Variants in KIF2C observed in about 807,000 individuals in gnomAD.
KIF2C encodes the protein kinesin-like protein KIF2C.
KIF2C carries 34 observed loss-of-function variants against 97.4 expected under a neutral mutation model. That is an observed-to-expected ratio of 0.35 (90% CI 0.27 to 0.46). The LOEUF is 0.46. KIF2C is among the 20% of genes least tolerant of loss of function. The probability of loss-of-function intolerance (pLI) is 1.00; values close to 1 mark genes in which losing one functional copy is unlikely to be tolerated. For missense variants in KIF2C, 750 were observed against 907.6 expected (o/e 0.83, Z 2.23); for synonymous variants, 313 against 318.2 (o/e 0.98, Z 0.17).
intron 19 of KIF2C, 131 bp downstream of exon 19, chr1:44,762,789 G>T: frequency 1.6e-6 from 1 of 619,082 alleles, no homozygotes; most frequent in South Asian, 1.8e-5. Flanking sequence ...CTCTACACCA[G>T]CACTCTTTAA....
chr1:44,740,692 T>C (rs1648887443), intron 1 of KIF2C, among the ~76,000 whole-genome samples: 1 of 152,042 alleles, frequency 6.6e-6, no homozygotes, highest in African/African-American at 2.4e-5. Context: ...CCTTATCCCA[T>C]GCAGCTCAGT....
chr1:44,747,606 G>T, intron 3 of KIF2C, 46 bp from the exon 4 acceptor site: 1 of 1,599,628 alleles, frequency 6.3e-7, no homozygotes. Flanking sequence ...GGGCCCTTGA[G>T]AATTGATAAG....
At chr1:44,766,702 C>T in intron 19 of KIF2C, 124 bp from the exon 20 acceptor site, 1 of 987,964 alleles carries the variant, frequency 1.0e-6, no homozygotes. Flanking sequence ...GGTGAACAGC[C>T]AGGGTATGGG....
At chr1:44,747,889 C>G (rs1649299349) in intron 4 of KIF2C, among the ~76,000 whole-genome samples, 189 bp downstream of exon 4, 1 of 152,238 alleles carries the variant, frequency 6.6e-6, no homozygotes, top group Non-Finnish European at 1.5e-5. Context: ...TTTAAGAGAC[C>G]TGGTGCATTT....
intron 2 of KIF2C, among the ~76,000 whole-genome samples, chr1:44,746,973 A>G (rs948534076): frequency 7.3e-5 from 11 of 151,380 alleles, no homozygotes; most frequent in Non-Finnish European, 1.3e-4. Flanking sequence ...TCTCAGCTCA[A>G]TGCAACCTCC....
Position 44,761,896 on chromosome 1 carries a change from C to A in KIF2C, c.1684-20C>A. 1 of 1,613,506 alleles carries A rather than the reference C, an allele frequency of 6.2e-7. No individual in the cohort carries two copies. Among genetic ancestry groups the A allele is most frequent in the South Asian group, 1.1e-5 (1 of 91,072 alleles). ...CTCACCGTGCCTCTCAGCCTTTAAT[C>A]ACCCACCCCTCTTTTGCAGATTGCC... On this transcript the variant is annotated intron_variant, in intron 16 of 20. Coordinates refer to ENST00000372224, the MANE Select transcript of KIF2C (RefSeq NM_006845.4).
At chr1:44,748,707 A>ATTTTTTTTTTT (rs928683142) in intron 4 of KIF2C, among the ~76,000 whole-genome samples, 1 of 123,138 alleles carries the variant, frequency 8.1e-6, no homozygotes, top group African/African-American at 3.3e-5. Flanking sequence ...CACCTGGCTA[A>ATTTTTTTTTTT]TTTTTTTTTT....
At chr1:44,741,745 T>A (rs2148819710) in intron 2 of KIF2C, among the ~76,000 whole-genome samples, 1 of 152,140 alleles carries the variant, frequency 6.6e-6, no homozygotes, top group African/African-American at 2.4e-5. Flanking sequence ...TCCCAGCACT[T>A]TGGGAGGCCG....
intron 1 of KIF2C, 80 bp downstream of exon 1, chr1:44,740,082 G>A (rs1344299473): frequency 6.6e-7 from 1 of 1,514,322 alleles, no homozygotes; most frequent in Admixed American, 1.7e-5. Context: ...CGGACACACA[G>A]ATGGGCTTTC....
At chr1:44,757,306 G>A (rs1046966321) in intron 10 of KIF2C, among the ~76,000 whole-genome samples, 6 of 152,186 alleles carry the variant, frequency 3.9e-5, no homozygotes, top group Admixed American at 3.9e-4. Flanking sequence ...ATGGCTTAGA[G>A]TATGGGCCAT....
intron 2 of KIF2C, chr1:44,746,705 C>T (rs1179576756): frequency 1.9e-6 from 3 of 1,606,984 alleles, no homozygotes; most frequent in Non-Finnish European, 2.5e-6. Flanking sequence ...ACCTCATTCT[C>T]ATCACTGACG....
chr1:44,742,382 T>G (rs1204446977), intron 2 of KIF2C, among the ~76,000 whole-genome samples: 1 of 151,440 alleles, frequency 6.6e-6, no homozygotes, highest in Non-Finnish European at 1.5e-5. Flanking sequence ...GTGCTGGGAT[T>G]ACAGGCGTGA....
chr1:44,761,966 C>T lies in KIF2C; in HGVS notation c.1734C>T (p.Thr578=), dbSNP rs752171860. The part of the protein sequence containing the change: ...GISSCEYTLN[T]LRYADRVKEL... ...GCTCCTGTGAATATACTTTAAACACCCTGAGATATGCAGACAGGTACTAGT... is the reference window on the plus strand; with the variant it reads ...GCTCCTGTGAATATACTTTAAACACTCTGAGATATGCAGACAGGTACTAGT... Residue 578 remains threonine (T), a synonymous_variant, in exon 17 of 21, where the codon ACC becomes ACT. Coordinates refer to ENST00000372224, the MANE Select transcript of KIF2C (RefSeq NM_006845.4). The T allele has an allele frequency of 6.2e-7, 1 of 1,614,008 alleles. No individual in the cohort carries two copies. The highest frequency in any genetic ancestry group is 8.5e-7 in the Non-Finnish European group (1 of 1,179,910).
chr1:44,746,282 C>T, intron 2 of KIF2C: 2 of 761,170 alleles, frequency 2.6e-6, no homozygotes, highest in Non-Finnish European at 3.2e-6. Context: ...TATGTCTGAA[C>T]CTGTTGTAAA....
chr1:44,747,663 G>A lies in KIF2C; in HGVS notation c.279G>A (p.Arg93=), dbSNP rs140925941. The change falls in exon 4 of 21, where the codon CGG becomes CGA. Residue 93 remains arginine (R), a synonymous_variant. Transcript: ENST00000372224. ...GATTTGTTTTTCAGAAACAAAAACGGAGATCCGTCAACTCCAAAATTCCTG... is the reference window on the plus strand; with the variant it reads ...GATTTGTTTTTCAGAAACAAAAACGAAGATCCGTCAACTCCAAAATTCCTG... ...QENVTIQKQK[R]RSVNSKIPAP... The A allele has an allele frequency of 1.0e-3, 1,627 of 1,613,868 alleles. 2 individuals are homozygous for A. The highest frequency in any genetic ancestry group is 1.2e-3 in the Non-Finnish European group (1,395 of 1,179,894).
intron 10 of KIF2C, 49 bp downstream of exon 10, chr1:44,756,286 T>C (rs1048829176): frequency 6.3e-7 from 1 of 1,578,328 alleles, no homozygotes; most frequent in African/African-American, 1.3e-5. Flanking sequence ...TCCATCCCCT[T>C]TTTTTGTGGG....
At position 44,755,958 on chromosome 1, in the gene KIF2C, T is replaced by C. The variant is rs758833626; in HGVS notation, c.789T>C (p.Val263=). ...PIEEHRICVC[V]RKRPLNKQEL... ...AAGAGCACAGAATATGTGTCTGTGT[T>C]AGGAAACGCCCACTGAATAAGCAAG... Residue 263 remains valine, a synonymous_variant, in exon 9 of 21, where the codon GTT becomes GTC. Transcript: ENST00000372224. 3.7e-6 allele frequency: 6 copies of C among 1,614,038 alleles called. No individual in the cohort carries two copies. In the African/African-American group the frequency reaches 6.7e-5, roughly 18 times the overall value.
At position 44,767,348 on chromosome 1, in the gene KIF2C, G is replaced by A. The variant is rs895121126; in HGVS notation, c.*169G>A. On this transcript the variant is annotated 3_prime_UTR_variant, in exon 21 of 21. Coordinates refer to ENST00000372224, the MANE Select transcript of KIF2C (RefSeq NM_006845.4). ...CAGGGCAGCTGGGGAGGGGGTCAGA[G>A]TGACATGGGACACTCCTTTTCTGTT... The A allele has an allele frequency of 3.4e-6, 2 of 589,394 alleles. No homozygotes were observed. Among genetic ancestry groups the A allele is most frequent in the African/African-American group, 1.9e-5 (1 of 53,598 alleles). The allele number at this position is 589,394 out of a possible 1,614,324, so 36.5% of individuals were successfully genotyped here. A position where few individuals can be genotyped will look rare whatever the true frequency, so the allele number is the denominator to read the frequency against.
intron 2 of KIF2C, among the ~76,000 whole-genome samples, chr1:44,742,313 G>GT (rs1648975541): frequency 1.3e-5 from 2 of 152,020 alleles, no homozygotes; most frequent in Middle Eastern, 3.4e-3. Context: ...GTTTCACTGT[G>GT]TTAGCCGGGA....
Sources: allele counts gnomAD v4.1 joint callset (sites outside exome capture counted in the v4.1 genomes callset), GRCh38; gene constraint gnomAD v4.1.1; transcripts MANE v1.5; gene names NCBI Gene and HGNC (gene_info 2026-07-23, HGNC 2026-07-21).